The following STRA8 variants were observed in gnomAD, a reference collection of about 807,000 sequenced individuals.
STRA8 encodes the protein stimulated by retinoic acid 8, also known as stimulated by retinoic acid gene 8 protein homolog.
A neutral mutation model predicts 37.1 loss-of-function variants in STRA8; 18 were observed. The observed-to-expected ratio is 0.48, with a 90% CI of 0.34 to 0.72. The LOEUF (loss-of-function observed/expected upper bound fraction) is 0.72, where lower values mean the gene tolerates loss of function less well. STRA8 is among the 30% of genes least tolerant of loss of function. STRA8 has a pLI of 0.01. For missense variants in STRA8, 357 were observed against 410.4 expected, an observed-to-expected ratio of 0.87 and a Z score of 1.13; for synonymous variants, 168 against 162.9, an observed-to-expected ratio of 1.03 and a Z score of -0.24.
intron 6 of STRA8, 92 bp from the exon 7 acceptor site, chr7:135,251,704 G>C: frequency 4.0e-6 from 5 of 1,259,410 alleles, no homozygotes; most frequent in South Asian, 1.2e-5. Flanking sequence ...TGTAAAGAGA[G>C]AGCCTTTCCA....
At chr7:135,241,487 C>T (rs1356175674) in intron 2 of STRA8, among the ~76,000 whole-genome samples, 1 of 152,180 alleles carries the variant, frequency 6.6e-6, no homozygotes, top group Non-Finnish European at 1.5e-5. Flanking sequence ...GCCCACCCCA[C>T]ACTCTGGCCA....
intron 6 of STRA8, among the ~76,000 whole-genome samples, chr7:135,251,533 G>A (rs1160012422): frequency 2.0e-5 from 3 of 152,176 alleles, no homozygotes; most frequent in Non-Finnish European, 4.4e-5. Flanking sequence ...GTCGGCAAGA[G>A]GAATCACAAT....
At chr7:135,240,289 C>T (rs1189041549) in intron 1 of STRA8, among the ~76,000 whole-genome samples, 2 of 152,156 alleles carry the variant, frequency 1.3e-5, no homozygotes, top group Non-Finnish European at 2.9e-5. Flanking sequence ...TCTCCATCTG[C>T]TTTTCTTAAT....
chr7:135,241,763 T>G (rs745852885), intron 2 of STRA8, among the ~76,000 whole-genome samples: 17 of 152,186 alleles, frequency 1.1e-4, no homozygotes, highest in Non-Finnish European at 1.6e-4. Context: ...GTTGTTTCCA[T>G]GCTTGTCTTC....
rs536096710 is a variant in STRA8, at chr7:135,233,847, C to A, written c.-63C>A. The stretch of plus-strand genomic sequence containing the variant: ...AGGAACCGCGATCCCCACTCCGGCG[C>A]ACGAAGCCGGGTGACTGCTGTCCCG... On this transcript the variant is annotated 5_prime_UTR_variant, in exon 1 of 9. Coordinates refer to ENST00000662584, the MANE Select transcript of STRA8 (RefSeq NM_001394401.1). 5.7e-4 allele frequency among the ~76,000 whole-genome samples: 86 copies of A among 152,182 alleles called. No homozygotes were observed. The highest frequency in any genetic ancestry group is 1.1e-3 in the Non-Finnish European group (72 of 68,028).
intron 1 of STRA8, among the ~76,000 whole-genome samples, chr7:135,238,621 C>G (rs754914635): frequency 6.6e-6 from 1 of 152,298 alleles, no homozygotes; most frequent in Middle Eastern, 3.4e-3. Context: ...GCTTCCCACC[C>G]GCTTCCCTTT....
chr7:135,248,340 G>A (rs148893115), intron 6 of STRA8, among the ~76,000 whole-genome samples: 2 of 152,274 alleles, frequency 1.3e-5, no homozygotes, highest in Non-Finnish European at 2.9e-5. Context: ...TTGGTCACCT[G>A]TTGATGGTCA....
intron 1 of STRA8, among the ~76,000 whole-genome samples, chr7:135,236,688 G>C (rs1832383025): frequency 6.6e-6 from 1 of 152,174 alleles, no homozygotes; most frequent in Non-Finnish European, 1.5e-5. Flanking sequence ...ATGAGATACA[G>C]AGAGGTCTTT....
Position 135,240,607 on chromosome 7 carries a change from G to T in STRA8, c.83G>T (p.Arg28Leu), listed in dbSNP as rs776940808. The change falls in exon 2 of 9, where the codon CGG becomes CTG. Residue 28 changes from arginine to leucine, a missense_variant. By Grantham distance (102) the Arg-to-Leu change is moderately radical. Transcript: ENST00000662584. Reference protein sequence around the residue: ...LPAQLQELEHRVARRRLSQAR... With the variant: ...LPAQLQELEHLVARRRLSQAR... ...GCACAGCTGCAGGAGCTTGAGCATC[G>T]GGTGGCCCGGAGACGGCTGTCCCAG... The T allele has an allele frequency of 1.2e-6, 2 of 1,614,014 alleles. No individual in the cohort carries two copies. Among genetic ancestry groups the T allele is most frequent in the South Asian group, 1.1e-5 (1 of 91,070 alleles).
intron 1 of STRA8, among the ~76,000 whole-genome samples, chr7:135,237,115 A>C (rs1332709127): frequency 6.6e-6 from 1 of 152,208 alleles, no homozygotes; most frequent in African/African-American, 2.4e-5. Context: ...ACAGGGGCAG[A>C]GAGAGATGGT....
In STRA8 at chr7:135,258,397, CT is replaced by C. The variant is rs1360052342; in HGVS notation, c.1066-19del. 6.3e-7 allele frequency: 1 copy of C among 1,585,166 alleles called. No individual in the cohort carries two copies. The highest frequency in any genetic ancestry group is 1.2e-5 in the South Asian group (1 of 86,604). The stretch of plus-strand genomic sequence containing the variant: ...AGACCCACAGATAAAAAGTGACCCT[CT>C]TCCACCCTGTGTCTTGCAGGAAGCA... On this transcript the variant is annotated intron_variant, in intron 8 of 8. Coordinates refer to ENST00000662584, the MANE Select transcript of STRA8 (RefSeq NM_001394401.1).
chr7:135,240,099 C>G (rs1042308212), intron 1 of STRA8, among the ~76,000 whole-genome samples: 1 of 152,108 alleles, frequency 6.6e-6, no homozygotes, highest in African/African-American at 2.4e-5. Context: ...GGTACAGCTG[C>G]TCTCCTTGGC....
chr7:135,232,298 T>G (rs1448203230), upstream of STRA8, among the ~76,000 whole-genome samples: 1 of 151,238 alleles, frequency 6.6e-6, no homozygotes, highest in Admixed American at 6.6e-5. Flanking sequence ...GTGGGAGGTG[T>G]GGGCAGGCCC....
At chr7:135,243,605 T>C (rs138034231) in intron 4 of STRA8, among the ~76,000 whole-genome samples, 195 bp downstream of exon 4, 86 of 152,270 alleles carry the variant, frequency 5.6e-4, no homozygotes, top group African/African-American at 1.9e-3. Flanking sequence ...TTTTTCCCAA[T>C]TATAAAAAGA....
chr7:135,236,589 C>T (rs1832381855), intron 1 of STRA8, among the ~76,000 whole-genome samples: 1 of 152,160 alleles, frequency 6.6e-6, no homozygotes, highest in Non-Finnish European at 1.5e-5. Context: ...ATAGGATATC[C>T]AGCTTCTTCA....
At chr7:135,232,174 T>C, upstream of STRA8, 1 of 813,232 alleles carries the variant, frequency 1.2e-6, no homozygotes. Flanking sequence ...GAGGTCAGTT[T>C]CCAAACCACT....
intron 7 of STRA8, among the ~76,000 whole-genome samples, chr7:135,254,333 C>T (rs1832676471): frequency 1.3e-5 from 2 of 152,228 alleles, no homozygotes; most frequent in Non-Finnish European, 2.9e-5. Context: ...GAGGGTTCCT[C>T]ATCCCGGGAG....
chr7:135,248,337 C>A (rs1832594229), intron 6 of STRA8, among the ~76,000 whole-genome samples: 1 of 152,180 alleles, frequency 6.6e-6, no homozygotes, highest in African/African-American at 2.4e-5. Context: ...CCTTTGGTCA[C>A]CTGTTGATGG....
At chr7:135,235,076 TG>T (rs1046016075) in intron 1 of STRA8, among the ~76,000 whole-genome samples, 1 of 152,156 alleles carries the variant, frequency 6.6e-6, no homozygotes, top group African/African-American at 2.4e-5. Context: ...TTGGCCACGT[TG>T]CCCAGTCTGG....
Sources: allele counts gnomAD v4.1 joint callset (sites outside exome capture counted in the v4.1 genomes callset), GRCh38; gene constraint gnomAD v4.1.1; transcripts MANE v1.5; gene names NCBI Gene and HGNC (gene_info 2026-07-23, HGNC 2026-07-21).